The following HOMER1 variants were observed in gnomAD, a reference collection of about 807,000 sequenced individuals.
HOMER1 encodes homer scaffold protein 1, also known as homer protein homolog 1.
HOMER1 carries 3 observed loss-of-function variants against 48.9 expected under a neutral mutation model. The ratio of observed to expected loss-of-function variants is 0.06; its 90% confidence interval spans 0.03 to 0.16. The LOEUF is 0.16. Among genes scored for constraint, HOMER1 ranks in the 10% least tolerant of loss-of-function variants. The pLI is 1.00. For missense variants in HOMER1, 247 were observed against 411.4 expected (o/e 0.60, Z 3.46); for synonymous variants, 134 against 146.4 (o/e 0.92, Z 0.61).
rs577282167 is a variant in HOMER1, at chr5:79,438,919, A to G, written c.527+91T>C. The G allele has an allele frequency of 5.4e-6, 6 of 1,103,724 alleles. No individual in the cohort carries two copies. The East Asian group carries it at 7.5e-5, about 14-fold the overall frequency. 68.4% of individuals were successfully genotyped at this position (1,103,724 alleles called of 1,614,324 possible). A position where few individuals can be genotyped will look rare whatever the true frequency, so the allele number is the denominator to read the frequency against. ...AAGTCAAAGTCAACCTGGAGTTTTC[A>G]CTCAAAGCTTGTAACTACAAGGGTT... is the stretch of plus-strand genomic sequence containing the variant. On this transcript the variant is annotated intron_variant, in intron 5 of 8. Transcript: ENST00000334082.
rs1748699141 is a variant in HOMER1 at position 79,374,082 on chromosome 5, A to AAT, written c.*1925_*1926dup. 6.6e-6 allele frequency: 1 copy of AAT among 152,326 alleles called. No homozygotes were observed. The highest frequency in any genetic ancestry group is 1.5e-5 in the Non-Finnish European group (1 of 67,832). 9.4% of individuals were successfully genotyped at this position (152,326 alleles called of 1,614,324 possible). A position where few individuals can be genotyped will look rare whatever the true frequency, so the allele number is the denominator to read the frequency against. On this transcript the variant is annotated 3_prime_UTR_variant, in exon 9 of 9. Transcript: ENST00000334082. ...CTAAACTCCCTGATCCCTAGTGTTA[A>AAT]ATCTCCTATTTAAATTAAAACTTGG...
At chr5:79,447,842 G>C (rs1475249794) in intron 3 of HOMER1, among the ~76,000 whole-genome samples, 1 of 152,118 alleles carries the variant, frequency 6.6e-6, no homozygotes, top group East Asian at 1.9e-4. Context: ...TTATGTTTTG[G>C]AAGTGGAAGC....
chr5:79,373,340 A>G lies in HOMER1; in HGVS notation c.*2669T>C, dbSNP rs1748682422. 6.6e-6 allele frequency: 1 copy of G among 151,968 alleles called. No individual in the cohort carries two copies. The highest frequency in any genetic ancestry group is 2.4e-5 in the African/African-American group (1 of 41,420). The allele number at this position is 151,968 out of a possible 1,614,324, so 9.4% of individuals were successfully genotyped here. On this transcript the variant is annotated 3_prime_UTR_variant, in exon 9 of 9. Coordinates refer to ENST00000334082, the MANE Select transcript of HOMER1 (RefSeq NM_004272.5). Reference sequence around the variant, plus strand: ...AATTTTTGTTTTTGTACAAGATTCAATAGTTATCACATATTAACTTATACA... The same window carrying G: ...AATTTTTGTTTTTGTACAAGATTCAGTAGTTATCACATATTAACTTATACA...
At chr5:79,469,668 C>CT (rs145934231) in intron 1 of HOMER1, among the ~76,000 whole-genome samples, 40,275 of 148,970 alleles carry the variant, frequency 0.27, 5,448 homozygotes, top group South Asian at 0.39. Context: ...TATAATTTGC[C>CT]TTTTTTTTTT....
chr5:79,409,604 G>A (rs1486395482), intron 5 of HOMER1, among the ~76,000 whole-genome samples: 1 of 151,992 alleles, frequency 6.6e-6, no homozygotes, highest in African/African-American at 2.4e-5. Context: ...GGCAATCCAT[G>A]GAAAGAGAGA....
intron 5 of HOMER1, among the ~76,000 whole-genome samples, chr5:79,416,970 T>C (rs907778691): frequency 6.6e-6 from 1 of 152,174 alleles, no homozygotes; most frequent in Non-Finnish European, 1.5e-5. Flanking sequence ...ATTTGGAAGG[T>C]TGAGAGCCAG....
At chr5:79,472,420 T>C (rs939618656) in intron 1 of HOMER1, among the ~76,000 whole-genome samples, 1 of 152,252 alleles carries the variant, frequency 6.6e-6, no homozygotes, top group Non-Finnish European at 1.5e-5. Flanking sequence ...TGCAGATTTG[T>C]GCACTTTACT....
chr5:79,411,755 G>A (rs1055458031), intron 5 of HOMER1, among the ~76,000 whole-genome samples: 3 of 152,122 alleles, frequency 2.0e-5, no homozygotes, highest in Non-Finnish European at 4.4e-5. Context: ...CGCCTTGCAT[G>A]TACTTTTTAG....
In HOMER1 at chr5:79,385,180, C is replaced by T. The variant is rs7720438; in HGVS notation, c.877-8983G>A. Among the ~76,000 whole-genome samples the T allele has an allele frequency of 4.6e-3, 694 of 152,178 alleles. 3 individuals carry two copies. The highest frequency in any genetic ancestry group is 0.016 in the African/African-American group (657 of 41,546). ...CTAGAAGAAAACTTTAAAAAAAACACTTCTGGACATTGGTGTAGGCAAAGA... is the reference window on the plus strand; with the variant it reads ...CTAGAAGAAAACTTTAAAAAAAACATTTCTGGACATTGGTGTAGGCAAAGA... On this transcript the variant is annotated intron_variant, in intron 8 of 8. Coordinates refer to ENST00000334082, the MANE Select transcript of HOMER1 (RefSeq NM_004272.5).
chr5:79,412,709 C>T (rs1749841659), intron 5 of HOMER1, among the ~76,000 whole-genome samples: 1 of 152,184 alleles, frequency 6.6e-6, no homozygotes, highest in African/African-American at 2.4e-5. Flanking sequence ...CCCAGTGTCT[C>T]ATAACATAAT....
chr5:79,377,659 G>A (rs1417012814), intron 8 of HOMER1, among the ~76,000 whole-genome samples: 2 of 152,030 alleles, frequency 1.3e-5, no homozygotes, highest in African/African-American at 4.8e-5. Context: ...CAAGTCTAAA[G>A]GACAGTGGAA....
chr5:79,454,155 G>A (rs1295735319), intron 2 of HOMER1, among the ~76,000 whole-genome samples: 2 of 152,196 alleles, frequency 1.3e-5, no homozygotes, highest in Non-Finnish European at 2.9e-5. Context: ...TGAGGATTAT[G>A]TGTTAATCAC....
chr5:79,425,650 T>C (rs1750227896), intron 5 of HOMER1, among the ~76,000 whole-genome samples: 2 of 152,042 alleles, frequency 1.3e-5, no homozygotes, highest in African/African-American at 2.4e-5. Context: ...AGTTTATCTG[T>C]TTTAAAAAGG....
chr5:79,382,269 C>G (rs1749001857), intron 8 of HOMER1, among the ~76,000 whole-genome samples: 4 of 152,040 alleles, frequency 2.6e-5, no homozygotes, highest in Admixed American at 2.6e-4. Context: ...TGAAAACACC[C>G]CAAATCTAGC....
intron 1 of HOMER1, among the ~76,000 whole-genome samples, chr5:79,483,703 T>C (rs1315235161): frequency 6.7e-6 from 1 of 150,164 alleles, no homozygotes; most frequent in African/African-American, 2.5e-5. Flanking sequence ...GGTAAATACA[T>C]ATATATTTTA....
chr5:79,473,070 G>C (rs1169721706), intron 1 of HOMER1, among the ~76,000 whole-genome samples: 1 of 152,140 alleles, frequency 6.6e-6, no homozygotes. Context: ...TCAACTTTAA[G>C]GAAGCCAATC....
chr5:79,507,132 G>A (rs985348036), intron 1 of HOMER1, among the ~76,000 whole-genome samples: 13 of 145,582 alleles, frequency 8.9e-5, no homozygotes, highest in South Asian at 6.7e-4. Flanking sequence ...AGAAATGCTG[G>A]AACCCGGGAG....
intron 1 of HOMER1, among the ~76,000 whole-genome samples, chr5:79,507,555 T>C (rs1288891771): frequency 6.6e-6 from 1 of 152,186 alleles, no homozygotes; most frequent in East Asian, 1.9e-4. Context: ...TAAAATGTTT[T>C]ATAGTCATTT....
At chr5:79,499,085 C>T (rs141893141) in intron 1 of HOMER1, among the ~76,000 whole-genome samples, 60 of 152,248 alleles carry the variant, frequency 3.9e-4, no homozygotes, top group Non-Finnish European at 7.8e-4. Flanking sequence ...CTGCCCACCT[C>T]GGCCTCCCAA....
Sources: gnomAD v4.1 joint callset for allele counts (sites outside exome capture counted in the v4.1 genomes callset) on GRCh38, gnomAD v4.1.1 for gene constraint, MANE v1.5 for transcripts, NCBI Gene and HGNC (gene_info 2026-07-23, HGNC 2026-07-21) for gene names.